The following NUP155 variants were observed in gnomAD, a reference collection of about 807,000 sequenced individuals.
NUP155 encodes nuclear pore complex protein Nup155.
In NUP155, 71 loss-of-function variants were observed where a neutral mutation model predicts 180.4. The ratio of observed to expected loss-of-function variants is 0.39; its 90% confidence interval spans 0.33 to 0.48. NUP155 has a LOEUF of 0.48. Ranked by LOEUF, NUP155 falls within the 20% of genes least tolerant of loss-of-function variation. NUP155 has a pLI of 0.91. For synonymous variants in NUP155, 582 were observed against 559.5 expected (o/e 1.04, Z -0.57); for missense variants, 1,553 against 1,648.9 (o/e 0.94, Z 1.01).
At position 37,291,981 on chromosome 5, in the gene NUP155, CT is replaced by C; in HGVS notation, c.4094del (p.Gln1365ArgfsTer3). 9 of 1,613,514 alleles carry C rather than the reference CT, an allele frequency of 5.6e-6. No homozygotes were observed. Among genetic ancestry groups the C allele is most frequent in the Non-Finnish European group, 7.6e-6 (9 of 1,179,452 alleles). On this transcript the variant is annotated frameshift_variant, in exon 35 of 35. Coordinates refer to ENST00000231498, the MANE Select transcript of NUP155 (RefSeq NM_153485.3). ...DAVCGYLVEL[Q>X]SMSSSVAVQA... is the part of the protein sequence containing the mutation. The stretch of plus-strand genomic sequence containing the variant: ...GTACTGCTACTGACGAGCTCATAGA[CT>C]GGAGCTCAACAAGGTAACCACAAAC...
chr5:37,305,907 A>C (rs1743125976), intron 25 of NUP155, among the ~76,000 whole-genome samples: 1 of 151,908 alleles, frequency 6.6e-6, no homozygotes. Context: ...AAAACAAAAC[A>C]AAACAAATAA....
chr5:37,363,071 T>A (rs1315220319), intron 3 of NUP155, among the ~76,000 whole-genome samples: 1 of 152,028 alleles, frequency 6.6e-6, no homozygotes, highest in Non-Finnish European at 1.5e-5. Flanking sequence ...GCCACCACAC[T>A]TGGCTAATTT....
rs750669554 is a variant in NUP155 at position 37,310,565 on chromosome 5, G to A, written c.2615C>T (p.Ala872Val). The A allele has an allele frequency of 6.2e-7, 1 of 1,612,130 alleles. No homozygotes were observed. The highest frequency in any genetic ancestry group is 1.1e-5 in the South Asian group (1 of 90,968). The change falls in exon 23 of 35, where the codon GCA (alanine) becomes GTA (valine). Residue 872 changes from alanine (A) to valine (V), a missense_variant. Physicochemically the swap from Ala to Val is moderately conservative, Grantham distance 64 (BLOSUM62 0). Transcript: ENST00000231498. ...ICPLLYSTDDAICSKANELLQ... is the reference protein window; with the variant it reads ...ICPLLYSTDDVICSKANELLQ... ...AAAGTATCATACCTTAGAACAAATT[G>A]CATCATCAGTGCTATATAGAAGTGG... is the stretch of plus-strand genomic sequence containing the variant.
intron 30 of NUP155, among the ~76,000 whole-genome samples, chr5:37,300,343 C>T (rs1742798700): frequency 6.6e-6 from 1 of 152,190 alleles, no homozygotes; most frequent in Admixed American, 6.5e-5. Context: ...TGACTATAGT[C>T]ACCCTATTGT....
intron 12 of NUP155, among the ~76,000 whole-genome samples, chr5:37,337,245 CTGTGTGTTTG>C (rs1375643457): frequency 6.6e-6 from 1 of 152,072 alleles, no homozygotes; most frequent in Non-Finnish European, 1.5e-5. Context: ...TAAATCAAAA[CTGTGTGTTTG>C]TGGGTGTCTC....
intron 6 of NUP155, 110 bp from the exon 7 acceptor site, chr5:37,350,375 A>G (rs1746377545): frequency 4.2e-6 from 3 of 710,972 alleles, no homozygotes; most frequent in Admixed American, 4.6e-5. Context: ...AATACCAGTT[A>G]TAATCACTAA....
intron 11 of NUP155, 143 bp from the exon 12 acceptor site, chr5:37,338,061 C>T (rs113869145): frequency 1.9e-5 from 11 of 585,346 alleles, no homozygotes; most frequent in Admixed American, 3.1e-5. Flanking sequence ...TGGCTCATGC[C>T]TGTAATCCCA....
intron 32 of NUP155, among the ~76,000 whole-genome samples, chr5:37,295,280 C>T (rs866916735): frequency 4.8e-4 from 73 of 152,290 alleles, no homozygotes; most frequent in African/African-American, 1.6e-3. Flanking sequence ...AGCTCCTAAC[C>T]GCGAGTGATC....
At chr5:37,355,547 G>GTGTGTGTATATA (rs977072922) in intron 4 of NUP155, among the ~76,000 whole-genome samples, 5 of 147,332 alleles carry the variant, frequency 3.4e-5, no homozygotes, top group African/African-American at 1.3e-4. Context: ...GTGTGTGTGT[G>GTGTGTGTATATA]TATATATATA....
intron 24 of NUP155, among the ~76,000 whole-genome samples, chr5:37,308,329 G>T (rs1298929042): frequency 6.6e-6 from 1 of 152,100 alleles, no homozygotes; most frequent in Non-Finnish European, 1.5e-5. Context: ...GAGATGGGTG[G>T]ATCACCTGAG....
At chr5:37,312,460 G>T (rs1161931544) in intron 22 of NUP155, among the ~76,000 whole-genome samples, 1 of 151,678 alleles carries the variant, frequency 6.6e-6, no homozygotes, top group Non-Finnish European at 1.5e-5. Flanking sequence ...GCAAGGAAAA[G>T]AAAAAGAAGG....
intron 34 of NUP155, among the ~76,000 whole-genome samples, chr5:37,292,437 G>T (rs1431669030): frequency 6.6e-6 from 1 of 151,868 alleles, no homozygotes. Context: ...GGATGGTCTC[G>T]ATCTCTTGAC....
chr5:37,323,074 A>T (rs1744353071), intron 20 of NUP155, among the ~76,000 whole-genome samples: 1 of 151,950 alleles, frequency 6.6e-6, no homozygotes, highest in South Asian at 2.1e-4. Context: ...TGAGGTCAGG[A>T]GTTCAAGACC....
rs1744975809 is a variant in NUP155, at chr5:37,331,766, A to T, written c.1548T>A (p.Pro516=). The T allele has an allele frequency of 6.2e-7, 1 of 1,610,586 alleles. No homozygotes were observed. The highest frequency in any genetic ancestry group is 1.3e-5 in the African/African-American group (1 of 74,882). The change falls in exon 14 of 35, where the codon CCT becomes CCA. Residue 516 remains proline, a synonymous_variant. Coordinates refer to ENST00000231498, the MANE Select transcript of NUP155 (RefSeq NM_153485.3). The part of the protein sequence containing the change: ...QGSLMFHKLR[P]VDQLRHLLVS... The stretch of plus-strand genomic sequence containing the variant: ...CAAGTAGATGCCTCAGTTGATCTAC[A>T]GGTCTAAGTTTATGAAACATAAGGC...
intron 19 of NUP155, among the ~76,000 whole-genome samples, 157 bp from the exon 20 acceptor site, chr5:37,324,264 C>A (rs1359588755): frequency 6.6e-6 from 1 of 152,176 alleles, no homozygotes; most frequent in African/African-American, 2.4e-5. Flanking sequence ...CACTTCCTCT[C>A]CTGCCAGTAA....
At chr5:37,292,294 C>A (rs1271746503) in intron 34 of NUP155, among the ~76,000 whole-genome samples, 1 of 151,778 alleles carries the variant, frequency 6.6e-6, no homozygotes, top group East Asian at 1.9e-4. Context: ...CGGCTCACTG[C>A]AACCTCTGCC....
chr5:37,338,317 CAAAAAA>C (rs530524699), intron 11 of NUP155, among the ~76,000 whole-genome samples: 1 of 65,070 alleles, frequency 1.5e-5, no homozygotes, highest in East Asian at 5.8e-4. Context: ...GATTCCGTCT[CAAAAAA>C]AAAAAAAAAA....
At chr5:37,318,820 G>C (rs1041497486) in intron 20 of NUP155, among the ~76,000 whole-genome samples, 1 of 151,790 alleles carries the variant, frequency 6.6e-6, no homozygotes, top group African/African-American at 2.4e-5. Context: ...TTTGAATTTC[G>C]GTAACAAAAA....
At chr5:37,302,177 G>A (rs1464316330) in intron 29 of NUP155, among the ~76,000 whole-genome samples, 1 of 152,152 alleles carries the variant, frequency 6.6e-6, no homozygotes, top group Non-Finnish European at 1.5e-5. Context: ...CAAAATAAAT[G>A]GTGAATGTGA....
Sources: gnomAD v4.1 joint callset for allele counts (sites outside exome capture counted in the v4.1 genomes callset) on GRCh38, gnomAD v4.1.1 for gene constraint, MANE v1.5 for transcripts, NCBI Gene and HGNC (gene_info 2026-07-23, HGNC 2026-07-21) for gene names.